VAT1L: variants seen among roughly 807,000 people sequenced by gnomAD.
VAT1L encodes the protein vesicle amine transport 1 like, also known as putative NADPH-dependent quinone oxidoreductase VAT1L.
VAT1L carries 34 observed loss-of-function variants against 44.1 expected under a neutral mutation model. That is an observed-to-expected ratio of 0.77 (90% confidence interval 0.59 to 1.03). The LOEUF (loss-of-function observed/expected upper bound fraction) is 1.03. VAT1L is among the 50% of genes least tolerant of loss of function. VAT1L has a pLI of 0.00. For synonymous variants in VAT1L, 253 were observed against 202.2 expected (o/e 1.25, Z -2.13); for missense variants, 615 against 538.8 (o/e 1.14, Z -1.40).
At chr16:77,850,885 G>C (rs2016802292) in intron 3 of VAT1L, among the ~76,000 whole-genome samples, 1 of 152,184 alleles carries the variant, frequency 6.6e-6, no homozygotes, top group Admixed American at 6.5e-5. Context: ...CCATCTGGTG[G>C]ACTGGACGGC....
At chr16:77,916,135 C>T (rs1192399227) in intron 7 of VAT1L, among the ~76,000 whole-genome samples, 2 of 152,168 alleles carry the variant, frequency 1.3e-5, no homozygotes, top group Non-Finnish European at 2.9e-5. Flanking sequence ...GGGGTAGTAG[C>T]ACGGTAGGGT....
chr16:77,821,062 G>A (rs908934994), intron 2 of VAT1L, among the ~76,000 whole-genome samples: 6 of 152,058 alleles, frequency 3.9e-5, no homozygotes, highest in South Asian at 4.2e-4. Flanking sequence ...CCCACCCATG[G>A]AGAAGTTAGA....
intron 1 of VAT1L, among the ~76,000 whole-genome samples, chr16:77,802,287 T>C (rs1368715950): frequency 6.6e-6 from 1 of 152,108 alleles, no homozygotes; most frequent in East Asian, 1.9e-4. Context: ...TCCAAAATAA[T>C]TGAAAAGCAC....
intron 7 of VAT1L, among the ~76,000 whole-genome samples, chr16:77,890,922 G>GA (rs57157062): frequency 1.5e-5 from 2 of 129,126 alleles, no homozygotes; most frequent in Admixed American, 7.7e-5. Flanking sequence ...AGACCCTGTC[G>GA]AAAAAAAAAA....
At chr16:77,793,735 G>T (rs183928272) in intron 1 of VAT1L, among the ~76,000 whole-genome samples, 7 of 152,338 alleles carry the variant, frequency 4.6e-5, no homozygotes, top group Non-Finnish European at 1.0e-4. Context: ...GATGAAAAAT[G>T]GTTCCAGCCA....
chr16:77,915,125 CA>C (rs764420122), intron 7 of VAT1L, among the ~76,000 whole-genome samples: 33 of 137,806 alleles, frequency 2.4e-4, no homozygotes, highest in African/African-American at 3.5e-4. Context: ...AATTCCGTCT[CA>C]AAAAAAAAAA....
intron 7 of VAT1L, among the ~76,000 whole-genome samples, chr16:77,887,720 G>A (rs1260937811): frequency 6.6e-6 from 1 of 152,180 alleles, no homozygotes; most frequent in Non-Finnish European, 1.5e-5. Flanking sequence ...GCTTGACTGA[G>A]TCATGCATCA....
chr16:77,907,536 G>C (rs73564422), intron 7 of VAT1L, among the ~76,000 whole-genome samples: 4,480 of 152,212 alleles, frequency 0.029, 220 homozygotes, highest in African/African-American at 0.1. Flanking sequence ...TCTCTGTTTT[G>C]CTCTCACTTC....
At chr16:77,900,842 C>T (rs574107840) in intron 7 of VAT1L, among the ~76,000 whole-genome samples, 18 of 152,254 alleles carry the variant, frequency 1.2e-4, no homozygotes, top group South Asian at 4.1e-4. Flanking sequence ...CCACTCCCCC[C>T]GCAACCAGTT....
intron 7 of VAT1L, among the ~76,000 whole-genome samples, chr16:77,960,273 G>T (rs1032415031): frequency 2.0e-5 from 3 of 152,118 alleles, no homozygotes; most frequent in African/African-American, 7.2e-5. Context: ...CACACTCAGT[G>T]TATTTGTTGA....
intron 7 of VAT1L, among the ~76,000 whole-genome samples, chr16:77,923,449 T>C (rs1226382627): frequency 6.6e-6 from 1 of 152,022 alleles, no homozygotes; most frequent in African/African-American, 2.4e-5. Context: ...GACTCTGTCA[T>C]GGATGAATGA....
chr16:77,952,596 C>G (rs1385658816), intron 7 of VAT1L, among the ~76,000 whole-genome samples: 6 of 152,126 alleles, frequency 3.9e-5, no homozygotes, highest in African/African-American at 1.4e-4. Flanking sequence ...TGGTGACTCA[C>G]ACCTGTAATC....
chr16:77,961,377 T>C (rs369755415), intron 7 of VAT1L, among the ~76,000 whole-genome samples: 5 of 152,140 alleles, frequency 3.3e-5, no homozygotes, highest in African/African-American at 1.2e-4. Context: ...CCTTCCTCCC[T>C]CGGATCTGTT....
intron 1 of VAT1L, among the ~76,000 whole-genome samples, chr16:77,810,945 T>C (rs1226472919): frequency 1.3e-5 from 2 of 152,192 alleles, no homozygotes; most frequent in Non-Finnish European, 1.5e-5. Flanking sequence ...ACCAACCTAA[T>C]AAAACAATGG....
chr16:77,884,552 T>A lies in VAT1L; in HGVS notation c.883-56T>A. 6.4e-7 allele frequency: 1 copy of A among 1,556,524 alleles called. No homozygotes were observed. The highest frequency in any genetic ancestry group is 2.4e-5 in the East Asian group (1 of 42,530). ...CTGATGACATCAGCAATGCTGCCAA[T>A]GTAGGCTTAACCCCGGTATTGAGTT... On this transcript the variant is annotated intron_variant, in intron 6 of 8. Coordinates refer to ENST00000302536, the MANE Select transcript of VAT1L (RefSeq NM_020927.3). The surrounding 1 kb of genome is among the most constrained non-coding windows in gnomAD (Gnocchi z 4.5).
Position 77,792,945 on chromosome 16 carries a change from T to C in VAT1L, c.233+4030T>C, listed in dbSNP as rs2015860589. On this transcript the variant is annotated intron_variant, in intron 1 of 8. Transcript: ENST00000302536. ...AGCAGTCAAAAAATGATAACCATTA[T>C]TATCTAAACTTTTACTTTTGGTTGC... Among the ~76,000 whole-genome samples the C allele has an allele frequency of 2.0e-5, 3 of 152,216 alleles. No homozygotes were observed. The South Asian group carries it at 6.2e-4, about 32-fold the overall frequency.
At chr16:77,927,038 T>C (rs2017676777) in intron 7 of VAT1L, among the ~76,000 whole-genome samples, 2 of 152,194 alleles carry the variant, frequency 1.3e-5, no homozygotes, top group Non-Finnish European at 2.9e-5. Flanking sequence ...GAGGAATTAG[T>C]ACACATCAAC....
intron 3 of VAT1L, among the ~76,000 whole-genome samples, chr16:77,828,823 G>A (rs1445835898): frequency 1.3e-5 from 2 of 152,120 alleles, no homozygotes; most frequent in Non-Finnish European, 2.9e-5. Flanking sequence ...AAATGGATTC[G>A]CCTCTTGAGC....
intron 7 of VAT1L, among the ~76,000 whole-genome samples, chr16:77,888,325 C>T (rs2017229371): frequency 6.6e-6 from 1 of 152,140 alleles, no homozygotes; most frequent in African/African-American, 2.4e-5. Context: ...TGAGGGAAGA[C>T]CTAGACTATA....
Sources: allele counts gnomAD v4.1 joint callset (sites outside exome capture counted in the v4.1 genomes callset), GRCh38; gene constraint gnomAD v4.1.1; non-coding constraint Gnocchi (gnomAD v3.1); transcripts MANE v1.5; gene names NCBI Gene and HGNC (gene_info 2026-07-23, HGNC 2026-07-21).